The following TTI1 variants were observed in gnomAD, a reference collection of about 807,000 sequenced individuals.
The protein encoded by TTI1 is TELO2-interacting protein 1 homolog.
Under a neutral mutation model 85.4 loss-of-function variants are expected in TTI1, and 52 were observed. The observed-to-expected ratio is 0.61, with a 90% CI of 0.49 to 0.77. The LOEUF (loss-of-function observed/expected upper bound fraction) is 0.77, where lower values mean the gene tolerates loss of function less well. TTI1 is among the 30% of genes least tolerant of loss of function. The probability of loss-of-function intolerance (pLI) is 0.00; values close to 1 mark genes in which losing one functional copy is unlikely to be tolerated. For missense variants in TTI1, 1,173 were observed against 1,296.0 expected, an observed-to-expected ratio of 0.91 and a Z score of 1.46; for synonymous variants, 512 against 503.9, an observed-to-expected ratio of 1.02 and a Z score of -0.22.
intron 1 of TTI1, among the ~76,000 whole-genome samples, chr20:38,021,334 G>A (rs538819497): frequency 6.6e-6 from 1 of 152,344 alleles, no homozygotes; most frequent in East Asian, 1.9e-4. Flanking sequence ...TGAAATCACA[G>A]TTGTGTGACA....
chr20:37,987,371 A>G (rs779651687), intron 7 of TTI1: 5 of 456,632 alleles, frequency 1.1e-5, no homozygotes, highest in East Asian at 6.9e-5. Context: ...AATGTTCCCA[A>G]TACATTTTGC....
At chr20:37,999,931 T>C (rs370415409) in intron 4 of TTI1, among the ~76,000 whole-genome samples, 1 of 152,184 alleles carries the variant, frequency 6.6e-6, no homozygotes, top group Admixed American at 6.5e-5. Flanking sequence ...GAAAGTGACA[T>C]GATACAATTC....
Position 38,013,169 on chromosome 20 carries a change from T to G in TTI1, c.648A>C (p.Ala216=), listed in dbSNP as rs750219447. ...AGTCTCCTGTGATAAGCCTGGTCAG[T>G]GCAGTTGAGATTCCAGGTAAAAAAG... is the stretch of plus-strand genomic sequence containing the variant. ...FASFLPGIST[A]LTRLITGDFK... is the part of the protein sequence containing the mutation. The change falls in exon 2 of 8, where the codon GCA becomes GCC. Residue 216 remains alanine, a synonymous_variant. Coordinates refer to ENST00000373447, the MANE Select transcript of TTI1 (RefSeq NM_001303457.2). The G allele has an allele frequency of 2.9e-5, 47 of 1,614,066 alleles. No individual in the cohort carries two copies. In the East Asian group the frequency reaches 9.8e-4, roughly 34 times the overall value.
At position 38,009,164 on chromosome 20, in the gene TTI1, T is replaced by A. The variant is rs76793982; in HGVS notation, c.2302+2351A>T. 3.2e-3 allele frequency among the ~76,000 whole-genome samples: 487 copies of A among 152,270 alleles called. 1 individual carries two copies. The highest frequency in any genetic ancestry group is 0.011 in the African/African-American group (460 of 41,542). ...ATTTTAAAAATTTCAAATTGAAACA[T>A]AGCATAGGTCGCTAAAGCAGTACAG... On this transcript the variant is annotated intron_variant, in intron 2 of 7. Coordinates refer to ENST00000373447, the MANE Select transcript of TTI1 (RefSeq NM_001303457.2).
At chr20:38,020,717 A>G (rs1338292691) in intron 1 of TTI1, among the ~76,000 whole-genome samples, 1 of 152,214 alleles carries the variant, frequency 6.6e-6, no homozygotes, top group African/African-American at 2.4e-5. Flanking sequence ...ACAAAAAAGG[A>G]TAGCCAAATA....
intron 1 of TTI1, among the ~76,000 whole-genome samples, chr20:38,025,591 A>G (rs1318202579): frequency 3.9e-5 from 6 of 152,118 alleles, no homozygotes; most frequent in Non-Finnish European, 7.4e-5. Context: ...GAAAAAGAAA[A>G]AAAGACAATC....
At chr20:38,021,342 A>G (rs554036510) in intron 1 of TTI1, among the ~76,000 whole-genome samples, 1 of 152,374 alleles carries the variant, frequency 6.6e-6, no homozygotes, top group African/African-American at 2.4e-5. Context: ...CAGTTGTGTG[A>G]CAATATGTCA....
intron 2 of TTI1, among the ~76,000 whole-genome samples, chr20:38,008,417 C>T (rs375656391): frequency 3.3e-5 from 5 of 152,262 alleles, no homozygotes; most frequent in East Asian, 1.9e-4. Flanking sequence ...GGTGCAGACG[C>T]GTGATGGAAT....
chr20:38,012,360 A>C lies in TTI1; in HGVS notation c.1457T>G (p.Met486Arg). The stretch of plus-strand genomic sequence containing the variant: ...TAGCTGACAAACCTGCCTCAAGAGC[A>C]TGAAGATTCTCTCATCAGTGAAGAA... ...FRFFTDERIF[M>R]LLRQVCQLLG... Residue 486 changes from methionine to arginine, a missense_variant, in exon 2 of 8, where the codon ATG (methionine) becomes AGG (arginine). Transcript: ENST00000373447. 1 of 1,614,212 alleles carries C rather than the reference A, an allele frequency of 6.2e-7. No homozygotes were observed. The highest frequency in any genetic ancestry group is 8.5e-7 in the Non-Finnish European group (1 of 1,180,038).
chr20:38,013,060 T>C lies in TTI1; in HGVS notation c.757A>G (p.Lys253Glu), dbSNP rs2073624831. ...TTTGCTTGGACCTTTGAGATTCTTT[T>C]GAGCTGTTCATCAGCCATAATGAAG... ...VSFIMADEQL[K>E]RISKVQAKPA... The change falls in exon 2 of 8, where the codon AAA becomes GAA. Residue 253 changes from lysine (K) to glutamate (E), a missense_variant. Lys to Glu is a moderately conservative substitution (Grantham distance 56, BLOSUM62 1). Coordinates refer to ENST00000373447, the MANE Select transcript of TTI1 (RefSeq NM_001303457.2). 1 of 1,614,222 alleles carries C rather than the reference T, an allele frequency of 6.2e-7. No individual in the cohort carries two copies. The highest frequency in any genetic ancestry group is 8.5e-7 in the Non-Finnish European group (1 of 1,180,044).
rs185008817 is a variant in TTI1, at chr20:37,988,118, T to C, written c.3087-4479A>G. Among the ~76,000 whole-genome samples the C allele has an allele frequency of 4.4e-3, 672 of 152,368 alleles. 4 individuals are homozygous for C. Among genetic ancestry groups the C allele is most frequent in the African/African-American group, 0.015 (620 of 41,588 alleles). ...AAAAGCCTCTGCCCTCAGGGCTCCC[T>C]GTCTGCTGGGGTAGACTAAGGGATC... On this transcript the variant is annotated intron_variant, in intron 7 of 7. Coordinates refer to ENST00000373447, the MANE Select transcript of TTI1 (RefSeq NM_001303457.2).
rs780605172 is a variant in TTI1, at chr20:37,999,172, G to A, written c.2793+16C>T. ...TCTACCCTCACAACAGACCATGGGG[G>A]ATGCTGGTGCAGTACCTTGAAGGCT... On this transcript the variant is annotated intron_variant, in intron 5 of 7. Transcript: ENST00000373447. The A allele has an allele frequency of 2.9e-6, 4 of 1,395,152 alleles. No individual in the cohort carries two copies. The highest frequency in any genetic ancestry group is 3.8e-6 in the Non-Finnish European group (4 of 1,064,954). The allele number at this position is 1,395,152 out of a possible 1,614,324, so 86.4% of individuals were successfully genotyped here.
intron 7 of TTI1, 58 bp from the exon 8 acceptor site, chr20:37,983,697 T>C: frequency 1.4e-6 from 2 of 1,390,018 alleles, no homozygotes; most frequent in South Asian, 1.7e-5. Context: ...CGGGGAATGC[T>C]ACAGCCCCAA....
At chr20:37,986,812 T>A (rs1036873189) in intron 7 of TTI1, among the ~76,000 whole-genome samples, 1 of 152,240 alleles carries the variant, frequency 6.6e-6, no homozygotes, top group East Asian at 1.9e-4. Context: ...TTAGCAGCAC[T>A]ACCATGCCAT....
rs1398229013 is a variant in TTI1 at position 37,996,873 on chromosome 20, G to A, written c.2874C>T (p.Gly958=). The part of the protein sequence containing the change: ...FCKDVLPKLA[G]SLVTQAPISA... Reference sequence around the variant, plus strand: ...TGATGGGGGCCTGGGTGACTAGGGAGCCAGCCAGCTTTGGCAGGACATCTT... The same window carrying A: ...TGATGGGGGCCTGGGTGACTAGGGAACCAGCCAGCTTTGGCAGGACATCTT... The change falls in exon 6 of 8, where the codon GGC becomes GGT. Residue 958 remains glycine (G), a synonymous_variant. Coordinates refer to ENST00000373447, the MANE Select transcript of TTI1 (RefSeq NM_001303457.2). The A allele has an allele frequency of 1.2e-6, 2 of 1,614,154 alleles. No individual in the cohort carries two copies. The highest frequency in any genetic ancestry group is 1.1e-5 in the South Asian group (1 of 91,084).
At chr20:37,987,466 T>C (rs1294865667) in intron 7 of TTI1, 1 of 402,438 alleles carries the variant, frequency 2.5e-6, no homozygotes, top group South Asian at 1.9e-5. Flanking sequence ...TTAAAAAATA[T>C]ATGTACACCA....
At chr20:38,020,323 A>AAAAAAAAAATATATATATAT in intron 1 of TTI1, among the ~76,000 whole-genome samples, 1 of 50,384 alleles carries the variant, frequency 2.0e-5, no homozygotes, top group African/African-American at 8.9e-5. Context: ...AAAAAAAAAA[A>AAAAAAAAAATATATATATAT]ATATATATAT....
intron 7 of TTI1, 136 bp from the exon 8 acceptor site, chr20:37,983,775 GA>G (rs1568856838): frequency 2.3e-6 from 2 of 885,764 alleles, no homozygotes; most frequent in South Asian, 2.9e-5. Flanking sequence ...TCAAATAGTA[GA>G]AAAAACCCAC....
At position 37,989,723 on chromosome 20, in the gene TTI1, G is replaced by T. The variant is rs1454141391; in HGVS notation, c.3087-6084C>A. On this transcript the variant is annotated intron_variant, in intron 7 of 7. Transcript: ENST00000373447. ...ATTGTTTCCTGCCCCTCCCTGGAAG[G>T]TATGTACCCTTGAAGATAAAGACAT... 4.6e-5 allele frequency among the ~76,000 whole-genome samples: 7 copies of T among 152,216 alleles called. No homozygotes were observed. The East Asian group carries it at 1.2e-3, about 25-fold the overall frequency.
Sources: gnomAD v4.1 joint callset for allele counts (sites outside exome capture counted in the v4.1 genomes callset) on GRCh38, gnomAD v4.1.1 for gene constraint, MANE v1.5 for transcripts, NCBI Gene and HGNC (gene_info 2026-07-23, HGNC 2026-07-21) for gene names.